The following TADA2A variants were observed in gnomAD, a reference collection of about 807,000 sequenced individuals.
TADA2A encodes transcriptional adapter 2-alpha.
Under a neutral mutation model 67.4 loss-of-function variants are expected in TADA2A, and 38 were observed. That is an observed-to-expected ratio of 0.56 (90% CI 0.44 to 0.74). The LOEUF (loss-of-function observed/expected upper bound fraction) is 0.74, where lower values mean the gene tolerates loss of function less well. TADA2A is among the 30% of genes least tolerant of loss of function. The probability of loss-of-function intolerance (pLI) is 0.00; values close to 1 mark genes in which losing one functional copy is unlikely to be tolerated. For synonymous variants in TADA2A, 192 were observed against 181.6 expected (o/e 1.06, Z -0.46); for missense variants, 454 against 547.0 (o/e 0.83, Z 1.70).
At chr17:37,445,288 CGG>C (rs2053043128) in intron 8 of TADA2A, among the ~76,000 whole-genome samples, 2 of 152,142 alleles carry the variant, frequency 1.3e-5, no homozygotes, top group Non-Finnish European at 2.9e-5. Flanking sequence ...GTTTTTGAGA[CGG>C]AGTCTCACTC....
intron 2 of TADA2A, among the ~76,000 whole-genome samples, chr17:37,422,481 G>GATTATT (rs60163170): frequency 0.034 from 4,690 of 136,892 alleles, 113 homozygotes; most frequent in Middle Eastern, 0.052. Context: ...ATGCCCAGCT[G>GATTATT]ATTATTATTA....
At chr17:37,434,451 G>A (rs923697823) in intron 4 of TADA2A, among the ~76,000 whole-genome samples, 3 of 152,114 alleles carry the variant, frequency 2.0e-5, no homozygotes, top group African/African-American at 7.2e-5. Context: ...GAAGCTCCTC[G>A]CTCTCATTTC....
At chr17:37,416,092 G>C (rs2052035606) in intron 2 of TADA2A, among the ~76,000 whole-genome samples, 1 of 151,208 alleles carries the variant, frequency 6.6e-6, no homozygotes, top group Non-Finnish European at 1.5e-5. Flanking sequence ...TTCGCAGCAG[G>C]ATCTTTGGTC....
At chr17:37,434,918 C>T in intron 4 of TADA2A, among the ~76,000 whole-genome samples, 1 of 152,176 alleles carries the variant, frequency 6.6e-6, no homozygotes, top group East Asian at 1.9e-4. Context: ...AAGTTGACTT[C>T]TGAATTTTTT....
intron 2 of TADA2A, among the ~76,000 whole-genome samples, chr17:37,418,596 CT>C (rs946056076): frequency 6.6e-4 from 96 of 144,894 alleles, no homozygotes; most frequent in Admixed American, 7.6e-4. Context: ...TTTTCTTTTT[CT>C]TTTTTTTTTT....
At chr17:37,425,909 A>G (rs1244243258) in intron 3 of TADA2A, among the ~76,000 whole-genome samples, 1 of 149,212 alleles carries the variant, frequency 6.7e-6, no homozygotes, top group East Asian at 2.0e-4. Flanking sequence ...CTATCACCTC[A>G]GCCTCCCAGA....
At chr17:37,454,617 C>T (rs1000445116) in intron 8 of TADA2A, 14 of 202,216 alleles carry the variant, frequency 6.9e-5, no homozygotes, top group Non-Finnish European at 1.2e-4. Flanking sequence ...CTAAGGAATC[C>T]TTAGCAAATA....
chr17:37,444,662 T>A lies in TADA2A; in HGVS notation c.532-34T>A, dbSNP rs908656026. The A allele has an allele frequency of 5.0e-6, 8 of 1,589,686 alleles. 1 individual carries two copies. In the African/African-American group the frequency reaches 9.4e-5, roughly 19 times the overall value. Reference sequence around the variant, plus strand: ...AAAGACACTAATCAAAGCCGATGGGTTTGGGGTGGGGATTTTTTTGTTCCC... The same window carrying A: ...AAAGACACTAATCAAAGCCGATGGGATTGGGGTGGGGATTTTTTTGTTCCC... On this transcript the variant is annotated intron_variant, in intron 7 of 15. Coordinates refer to ENST00000615182, the MANE Select transcript of TADA2A (RefSeq NM_001166105.3).
chr17:37,465,429 A>G lies in TADA2A; in HGVS notation c.713-2A>G, dbSNP rs1435284486. ...CACATTTATGTTTTATTTTCTCTGT[A>G]GTAATGGAACGGCGGTATCCCAAGG... is the stretch of plus-strand genomic sequence containing the variant. On this transcript the variant is annotated splice_acceptor_variant, in intron 10 of 15. Coordinates refer to ENST00000615182, the MANE Select transcript of TADA2A (RefSeq NM_001166105.3). LOFTEE classifies it high-confidence loss of function. 6.2e-7 allele frequency: 1 copy of G among 1,607,694 alleles called. No individual in the cohort carries two copies.
intron 4 of TADA2A, among the ~76,000 whole-genome samples, chr17:37,432,139 G>C (rs1225962171): frequency 6.6e-6 from 1 of 151,128 alleles, no homozygotes; most frequent in East Asian, 1.9e-4. Context: ...TGTTGTTTCT[G>C]GTTTCTTTCA....
At chr17:37,463,579 TG>T (rs1713736126) in intron 10 of TADA2A, among the ~76,000 whole-genome samples, 1 of 152,110 alleles carries the variant, frequency 6.6e-6, no homozygotes, top group Non-Finnish European at 1.5e-5. Context: ...CACTCCAGCC[TG>T]GGCAACAGAA....
chr17:37,452,080 G>C lies in TADA2A; in HGVS notation c.605-6444G>C, dbSNP rs181583772. ...TCTTTCCTATTAAATTCATCTTACT[G>C]AGTAGATAAATGAGATAAGGCTTAT... On this transcript the variant is annotated intron_variant, in intron 8 of 15. Transcript: ENST00000615182. Among the ~76,000 whole-genome samples, 107 of 152,046 alleles carry C rather than the reference G, an allele frequency of 7.0e-4. No homozygotes were observed. In the East Asian group the frequency reaches 0.019, roughly 28 times the overall value.
intron 2 of TADA2A, among the ~76,000 whole-genome samples, chr17:37,415,062 T>G (rs1003204576): frequency 8.6e-5 from 13 of 151,828 alleles, no homozygotes; most frequent in African/African-American, 3.2e-4. Flanking sequence ...CTGGCTAATT[T>G]TTGTATACGG....
At chr17:37,437,921 A>G in intron 5 of TADA2A, 92 bp downstream of exon 5, 1 of 1,206,900 alleles carries the variant, frequency 8.3e-7, no homozygotes, top group Non-Finnish European at 1.2e-6. Flanking sequence ...CAGGAAGAGA[A>G]AGTATGTGTT....
Position 37,420,640 on chromosome 17 carries a change from G to C in TADA2A, c.26-2869G>C, listed in dbSNP as rs143158336. On this transcript the variant is annotated intron_variant, in intron 2 of 15. Transcript: ENST00000615182. Reference sequence around the variant, plus strand: ...ACTCCTGAGCTCAAGTGATCAACCCGCCTCAGCCTCCCAAAGTGCTGGGAT... The same window carrying C: ...ACTCCTGAGCTCAAGTGATCAACCCCCCTCAGCCTCCCAAAGTGCTGGGAT... 2.2e-3 allele frequency among the ~76,000 whole-genome samples: 326 copies of C among 145,852 alleles called. 27 individuals are homozygous for C. Among genetic ancestry groups the C allele is most frequent in the African/African-American group, 7.8e-3 (314 of 40,420 alleles).
chr17:37,450,548 C>T (rs2053204606), intron 8 of TADA2A: 1 of 152,328 alleles, frequency 6.6e-6, no homozygotes, highest in South Asian at 2.1e-4. Flanking sequence ...TAAGGCTAGC[C>T]GTTTGGAAAC....
chr17:37,461,862 A>C, intron 9 of TADA2A: 1 of 489,092 alleles, frequency 2.0e-6, no homozygotes. Context: ...TGGAGAGTCT[A>C]CTATGCCCAA....
chr17:37,435,764 G>A (rs1297433380), intron 4 of TADA2A, among the ~76,000 whole-genome samples: 2 of 152,044 alleles, frequency 1.3e-5, no homozygotes, highest in Non-Finnish European at 2.9e-5. Flanking sequence ...AGTTTTTGTA[G>A]AGACAGGGTT....
rs1413794721 is a variant in TADA2A at position 37,467,498 on chromosome 17, A to C, written c.868A>C (p.Arg290=). The change falls in exon 12 of 16, where the codon AGG becomes CGG. Residue 290 remains arginine (R), a synonymous_variant. Transcript: ENST00000615182. ...GGAAATCAAGAGGCTCCAAGAATAC[A>C]GGACAGCAGGCATTACCAATTTTTG... The part of the protein sequence containing the change: ...RREIKRLQEY[R]TAGITNFCSA... 1.2e-6 allele frequency: 2 copies of C among 1,613,968 alleles called. No individual in the cohort carries two copies. Among genetic ancestry groups the C allele is most frequent in the Admixed American group, 1.7e-5 (1 of 60,006 alleles).
Sources: allele counts gnomAD v4.1 joint callset (sites outside exome capture counted in the v4.1 genomes callset), GRCh38; gene constraint gnomAD v4.1.1; transcripts MANE v1.5; gene names NCBI Gene and HGNC (gene_info 2026-07-23, HGNC 2026-07-21).